ZEB1: variants seen among roughly 807,000 people sequenced by gnomAD.
ZEB1 encodes zinc finger E-box binding homeobox 1.
Under a neutral mutation model 84.9 loss-of-function variants are expected in ZEB1, and 21 were observed. That is an observed-to-expected ratio of 0.25 (90% CI 0.18 to 0.36). The LOEUF (loss-of-function observed/expected upper bound fraction) is 0.36, where lower values mean the gene tolerates loss of function less well. Ranked by LOEUF, ZEB1 falls within the 10% of genes least tolerant of loss-of-function variation. ZEB1 has a pLI of 1.00. For missense variants in ZEB1, 1,104 were observed against 1,330.2 expected (o/e 0.83, Z 2.65); for synonymous variants, 420 against 471.1 (o/e 0.89, Z 1.41).
chr10:31,390,956 A>G (rs2049556236), intron 1 of ZEB1, among the ~76,000 whole-genome samples: 1 of 150,554 alleles, frequency 6.6e-6, no homozygotes. Flanking sequence ...AGTGCTATAG[A>G]AGAGACTGTT....
rs1360881935 is a variant in ZEB1, at chr10:31,528,325, T to A, written c.*1061T>A. The A allele has an allele frequency of 6.6e-6, 1 of 152,182 alleles. No individual in the cohort carries two copies. Among genetic ancestry groups the A allele is most frequent in the Admixed American group, 6.5e-5 (1 of 15,278 alleles). The allele number at this position is 152,182 out of a possible 1,614,324, so 9.4% of individuals were successfully genotyped here. The stretch of plus-strand genomic sequence containing the variant: ...TCATCCTTCAATTCCTCGGTATTGA[T>A]TTTATGTTGATTGATTTTCAGAATT... On this transcript the variant is annotated 3_prime_UTR_variant, in exon 9 of 9. Transcript: ENST00000424869.
At chr10:31,321,504 C>A (rs1303438528) in intron 1 of ZEB1, 2 of 1,613,848 alleles carry the variant, frequency 1.2e-6, no homozygotes, top group African/African-American at 1.3e-5. Flanking sequence ...TGAGCTGTTG[C>A]CGCTGTTGCT....
At chr10:31,438,283 G>T (rs1362881801) in intron 1 of ZEB1, among the ~76,000 whole-genome samples, 1 of 152,112 alleles carries the variant, frequency 6.6e-6, no homozygotes, top group Non-Finnish European at 1.5e-5. Context: ...AATAGGAAAG[G>T]TAAATGTTTT....
intron 8 of ZEB1, 86 bp from the exon 9 acceptor site, chr10:31,526,586 C>T (rs2073493793): frequency 1.3e-6 from 2 of 1,511,186 alleles, no homozygotes; most frequent in African/African-American, 1.4e-5. Flanking sequence ...CCTCCCCTTT[C>T]TACAACATGA....
intron 1 of ZEB1, among the ~76,000 whole-genome samples, chr10:31,328,949 G>A (rs925197183): frequency 3.9e-5 from 6 of 151,936 alleles, no homozygotes; most frequent in Non-Finnish European, 7.4e-5. Flanking sequence ...TGTTCCTATG[G>A]TATAGATCAG....
intron 1 of ZEB1, among the ~76,000 whole-genome samples, chr10:31,450,347 C>T (rs1034810395): frequency 7.9e-5 from 12 of 151,784 alleles, no homozygotes; most frequent in African/African-American, 1.9e-4. Flanking sequence ...TTTCCTCTTT[C>T]GTGTTTTTAG....
At chr10:31,468,127 C>A (rs1008689119) in intron 2 of ZEB1, among the ~76,000 whole-genome samples, 2 of 152,120 alleles carry the variant, frequency 1.3e-5, no homozygotes, top group Non-Finnish European at 2.9e-5. Context: ...GAGAACTGCC[C>A]CTACAGCCCT....
intron 1 of ZEB1, among the ~76,000 whole-genome samples, chr10:31,334,650 A>G (rs533501779): frequency 1.3e-5 from 2 of 152,272 alleles, no homozygotes; most frequent in Admixed American, 6.5e-5. Flanking sequence ...ATTATTTGAG[A>G]AGAGTAACAA....
At chr10:31,394,571 T>A (rs965249004) in intron 1 of ZEB1, among the ~76,000 whole-genome samples, 1 of 152,220 alleles carries the variant, frequency 6.6e-6, no homozygotes, top group Non-Finnish European at 1.5e-5. Flanking sequence ...AAGGGAGACC[T>A]CTTGCCTGAC....
chr10:31,406,262 T>C (rs1363568265), intron 1 of ZEB1, among the ~76,000 whole-genome samples: 1 of 152,146 alleles, frequency 6.6e-6, no homozygotes, highest in Non-Finnish European at 1.5e-5. Context: ...CCTTGAAGAA[T>C]TGCCACACTG....
chr10:31,452,701 A>G (rs1013947638), intron 1 of ZEB1, among the ~76,000 whole-genome samples: 3 of 90,352 alleles, frequency 3.3e-5, no homozygotes, highest in South Asian at 5.9e-4. Flanking sequence ...TTAGGATAAA[A>G]TGTGTGTGTG....
At chr10:31,450,266 G>A (rs912043261) in intron 1 of ZEB1, among the ~76,000 whole-genome samples, 3 of 152,114 alleles carry the variant, frequency 2.0e-5, no homozygotes, top group Non-Finnish European at 4.4e-5. Context: ...TTTTCTTCAT[G>A]TAGGTCCTCC....
At chr10:31,505,557 T>C (rs2068834318) in intron 4 of ZEB1, among the ~76,000 whole-genome samples, 1 of 152,048 alleles carries the variant, frequency 6.6e-6, no homozygotes, top group Non-Finnish European at 1.5e-5. Flanking sequence ...AGTTTTTTCA[T>C]GTATAGTTGT....
intron 2 of ZEB1, among the ~76,000 whole-genome samples, chr10:31,465,276 A>G (rs1435514138): frequency 6.6e-6 from 1 of 151,996 alleles, no homozygotes; most frequent in African/African-American, 2.4e-5. Flanking sequence ...ATTGTGGTAT[A>G]AATTAACACA....
chr10:31,450,539 A>G (rs2060437423), intron 1 of ZEB1, among the ~76,000 whole-genome samples: 1 of 151,910 alleles, frequency 6.6e-6, no homozygotes, highest in Admixed American at 6.6e-5. Context: ...TCTCCTTTCT[A>G]ATATTTATAC....
At chr10:31,407,722 T>G (rs1329640188) in intron 1 of ZEB1, among the ~76,000 whole-genome samples, 1 of 151,948 alleles carries the variant, frequency 6.6e-6, no homozygotes, top group African/African-American at 2.4e-5. Flanking sequence ...CTCAATAAAT[T>G]AGGTATTGAT....
At chr10:31,466,736 A>C (rs2062476557) in intron 2 of ZEB1, among the ~76,000 whole-genome samples, 1 of 152,220 alleles carries the variant, frequency 6.6e-6, no homozygotes. Context: ...CAAAGTTAGA[A>C]GAAGGAATGA....
intron 1 of ZEB1, among the ~76,000 whole-genome samples, chr10:31,394,431 A>G (rs2050326740): frequency 6.6e-6 from 1 of 152,160 alleles, no homozygotes; most frequent in Admixed American, 6.5e-5. Context: ...GCATTAGCAT[A>G]CTGCTTCGTG....
intron 1 of ZEB1, among the ~76,000 whole-genome samples, chr10:31,435,067 G>C (rs2058129439): frequency 1.3e-5 from 2 of 152,192 alleles, no homozygotes; most frequent in African/African-American, 4.8e-5. Context: ...AAGGAATAGG[G>C]AGATTACTTC....
Sources: gnomAD v4.1 joint callset for allele counts (sites outside exome capture counted in the v4.1 genomes callset) on GRCh38, gnomAD v4.1.1 for gene constraint, MANE v1.5 for transcripts, NCBI Gene and HGNC (gene_info 2026-07-23, HGNC 2026-07-21) for gene names.